The following SLC35A5 variants were observed in gnomAD, a reference collection of about 807,000 sequenced individuals.
SLC35A5 encodes the protein UDP-sugar transporter protein SLC35A5.
Under a neutral mutation model 36.3 loss-of-function variants are expected in SLC35A5, and 28 were observed. The observed-to-expected ratio is 0.77, with a 90% CI of 0.57 to 1.06. SLC35A5 has a LOEUF of 1.06. Ranked by LOEUF, SLC35A5 falls within the 50% of genes least tolerant of loss-of-function variation. SLC35A5 has a pLI of 0.00. For missense variants in SLC35A5, 521 were observed against 499.3 expected, an observed-to-expected ratio of 1.04 and a Z score of -0.41; for synonymous variants, 180 against 173.7, an observed-to-expected ratio of 1.04 and a Z score of -0.29.
chr3:112,563,549 G>A lies in SLC35A5; in HGVS notation c.130+16G>A, dbSNP rs756968966. The A allele has an allele frequency of 3.2e-6, 5 of 1,584,896 alleles. No homozygotes were observed. The South Asian group carries it at 3.4e-5, about 11-fold the overall frequency. ...GCCAATGAAGGTAAGTTAAGACTTG[G>A]TATATGCATGGAGCACTTCCATCTA... is the stretch of plus-strand genomic sequence containing the variant. On this transcript the variant is annotated intron_variant, in intron 2 of 6. Coordinates refer to ENST00000492406, the MANE Select transcript of SLC35A5 (RefSeq NM_017945.5).
rs1005149810 is a variant in SLC35A5, at chr3:112,584,399, T to A, written c.*1663T>A. The A allele has an allele frequency of 2.0e-5, 3 of 152,188 alleles. No individual in the cohort carries two copies. Among genetic ancestry groups the A allele is most frequent in the Admixed American group, 6.5e-5 (1 of 15,274 alleles). The allele number at this position is 152,188 out of a possible 1,614,324, so 9.4% of individuals were successfully genotyped here. A position where few individuals can be genotyped will look rare whatever the true frequency, so the allele number is the denominator to read the frequency against. On this transcript the variant is annotated 3_prime_UTR_variant, in exon 7 of 7. Transcript: ENST00000492406. ...CAGGACCTTTCTAGGAAATGTGGCA[T>A]ACAAAACATTTTTATCTCATAAAAC...
rs771349675 is a variant in SLC35A5 at position 112,580,824 on chromosome 3, T to C, written c.707T>C (p.Ile236Thr). 2.7e-5 allele frequency: 44 copies of C among 1,614,072 alleles called. No homozygotes were observed. Among genetic ancestry groups the C allele is most frequent in the Middle Eastern group, 1.6e-4 (1 of 6,084 alleles). ...HIRLGMGHVL[I>T]IVQCFISSMA... is the part of the protein sequence containing the mutation. ...CGTCTTGGCATGGGCCATGTTCTTATTATAGTCCAGTGTTTTATTTCTTCA... is the reference window on the plus strand; with the variant it reads ...CGTCTTGGCATGGGCCATGTTCTTACTATAGTCCAGTGTTTTATTTCTTCA... Residue 236 changes from isoleucine to threonine, a missense_variant, in exon 6 of 7, where the codon ATT (isoleucine) becomes ACT (threonine). Ile to Thr is a moderately conservative substitution (Grantham distance 89, BLOSUM62 -1). Transcript: ENST00000492406.
At chr3:112,564,624 C>T (rs1036026182) in intron 2 of SLC35A5, among the ~76,000 whole-genome samples, 1 of 152,180 alleles carries the variant, frequency 6.6e-6, no homozygotes, top group South Asian at 2.1e-4. Context: ...AGCACAGACC[C>T]TTTACAGGTG....
Position 112,579,248 on chromosome 3 carries a change from T to G in SLC35A5, c.429-1298T>G, listed in dbSNP as rs72942015. 8.7e-3 allele frequency among the ~76,000 whole-genome samples: 1,318 copies of G among 152,316 alleles called. 15 individuals carry two copies. Among genetic ancestry groups the G allele is most frequent in the African/African-American group, 0.03 (1,255 of 41,568 alleles). ...ATCCCTTCTTTAGTGTTTAAGTACA[T>G]GACCTTAGGGAAATCTGTTAGGTTA... On this transcript the variant is annotated intron_variant, in intron 5 of 6. Coordinates refer to ENST00000492406, the MANE Select transcript of SLC35A5 (RefSeq NM_017945.5).
chr3:112,580,433 CA>C (rs1445790269), intron 5 of SLC35A5, 112 bp from the exon 6 acceptor site: 1 of 1,220,676 alleles, frequency 8.2e-7, no homozygotes, highest in African/African-American at 1.5e-5. Context: ...GAAATGCTAG[CA>C]AAAACTGGGT....
chr3:112,562,716 G>A (rs948367518), intron 1 of SLC35A5, among the ~76,000 whole-genome samples: 1 of 152,198 alleles, frequency 6.6e-6, no homozygotes, highest in Non-Finnish European at 1.5e-5. Context: ...GGGAAAAGAG[G>A]AGGAAAATAC....
intron 2 of SLC35A5, among the ~76,000 whole-genome samples, chr3:112,567,406 C>T (rs959178112): frequency 1.3e-5 from 2 of 151,908 alleles, no homozygotes; most frequent in African/African-American, 4.8e-5. Context: ...CATTCTCTTG[C>T]CTCAGCCTCC....
chr3:112,580,704 GAAGT>G lies in SLC35A5; in HGVS notation c.588_591del (p.Glu198ValfsTer39). On this transcript the variant is annotated frameshift_variant, in exon 6 of 7. Coordinates refer to ENST00000492406, the MANE Select transcript of SLC35A5 (RefSeq NM_017945.5). LOFTEE classifies it high-confidence loss of function. The stretch of plus-strand genomic sequence containing the variant: ...CCTTCCAATTCCTGCCTTCTTTTCA[GAAGT>G]GAGTGTCCCAGAAAAGACAATTGTA... 1 of 1,614,102 alleles carries G rather than the reference GAAGT, an allele frequency of 6.2e-7. No homozygotes were observed.
At chr3:112,566,116 G>A (rs1454267912) in intron 2 of SLC35A5, among the ~76,000 whole-genome samples, 5 of 152,202 alleles carry the variant, frequency 3.3e-5, no homozygotes, top group Admixed American at 6.5e-5. Flanking sequence ...GAAAAGACAG[G>A]ATTTGGAGAA....
At position 112,581,103 on chromosome 3, in the gene SLC35A5, A is replaced by G. The variant is rs1934894789; in HGVS notation, c.986A>G (p.Asn329Ser). ...GCTTTCATTCTGAAGTTCCTGGATA[A>G]CATGTTCCATGTCTTGATGGCCCAG... ...SVAFILKFLDNMFHVLMAQVT... is the reference protein window; with the variant it reads ...SVAFILKFLDSMFHVLMAQVT... Residue 329 changes from asparagine to serine, a missense_variant, in exon 6 of 7, where the codon AAC becomes AGC. Asn to Ser is a conservative substitution (Grantham distance 46). Coordinates refer to ENST00000492406, the MANE Select transcript of SLC35A5 (RefSeq NM_017945.5). The G allele has an allele frequency of 1.2e-6, 2 of 1,613,966 alleles. No individual in the cohort carries two copies. Among genetic ancestry groups the G allele is most frequent in the Non-Finnish European group, 1.7e-6 (2 of 1,179,928 alleles).
intron 1 of SLC35A5, 132 bp downstream of exon 1, chr3:112,562,405 C>G (rs1181353984): frequency 1.3e-5 from 2 of 152,352 alleles, no homozygotes; most frequent in African/African-American, 4.8e-5. Flanking sequence ...CCCCTCCTGT[C>G]GGGGAGGCGT....
intron 2 of SLC35A5, among the ~76,000 whole-genome samples, chr3:112,566,676 A>G (rs1320732331): frequency 2.0e-5 from 3 of 152,226 alleles, no homozygotes; most frequent in Non-Finnish European, 4.4e-5. Context: ...AGATTAAAGG[A>G]TACCCTTTAG....
Position 112,572,986 on chromosome 3 carries a change from C to T in SLC35A5, c.361-903C>T, listed in dbSNP as rs149377898. On this transcript the variant is annotated intron_variant, in intron 4 of 6. Transcript: ENST00000492406. ...CTGAGAAAACCTTAAAATGGTGGTT[C>T]CCATAAGAATGTAATAGAAAAACAA... Among the ~76,000 whole-genome samples the T allele has an allele frequency of 1.0e-2, 1,517 of 152,158 alleles. 20 individuals carry two copies. The highest frequency in any genetic ancestry group is 0.012 in the Non-Finnish European group (794 of 68,008).
rs1054972715 is a variant in SLC35A5 at position 112,580,933 on chromosome 3, T to C, written c.816T>C (p.Tyr272=). The part of the protein sequence containing the change: ...ESIFIQNSKL[Y]FFGILFNGLT... Reference sequence around the variant, plus strand: ...TCTTCATACAGAACAGCAAACTCTATTTCTTTGGCATTCTGTTTAATGGGC... The same window carrying C: ...TCTTCATACAGAACAGCAAACTCTACTTCTTTGGCATTCTGTTTAATGGGC... The change falls in exon 6 of 7, where the codon TAT becomes TAC. Residue 272 remains tyrosine, a synonymous_variant. Transcript: ENST00000492406. The C allele has an allele frequency of 1.9e-6, 3 of 1,614,160 alleles. No homozygotes were observed. The highest frequency in any genetic ancestry group is 2.5e-6 in the Non-Finnish European group (3 of 1,179,994).
chr3:112,565,412 A>G (rs1189581612), intron 2 of SLC35A5, among the ~76,000 whole-genome samples: 1 of 152,200 alleles, frequency 6.6e-6, no homozygotes, highest in Non-Finnish European at 1.5e-5. Context: ...AACAGCCTGT[A>G]AAAGGGAACA....
chr3:112,581,172 A>G lies in SLC35A5; in HGVS notation c.1055A>G (p.Asp352Gly), dbSNP rs764331967. 6.2e-7 allele frequency: 1 copy of G among 1,613,772 alleles called. No homozygotes were observed. Among genetic ancestry groups the G allele is most frequent in the Non-Finnish European group, 8.5e-7 (1 of 1,179,916 alleles). ...IITTVSVLVF[D>G]FRPSLEFFLE... ...ACAACAGTGTCTGTCCTGGTCTTTG[A>G]CTTCAGGCCCTCCCTGGAATTTTTC... Residue 352 changes from aspartate to glycine, a missense_variant, in exon 6 of 7, where the codon GAC becomes GGC. Transcript: ENST00000492406.
At chr3:112,578,562 G>A (rs1209478293) in intron 5 of SLC35A5, among the ~76,000 whole-genome samples, 8 of 152,266 alleles carry the variant, frequency 5.3e-5, no homozygotes, top group Middle Eastern at 3.4e-3. Context: ...AGCAGACTCA[G>A]TTGTCATTTC....
rs1934036238 is a variant in SLC35A5 at position 112,563,451 on chromosome 3, A to G, written c.48A>G (p.Thr16=). The change falls in exon 2 of 7, where the codon ACA becomes ACG. Residue 16 remains threonine, a synonymous_variant. Coordinates refer to ENST00000492406, the MANE Select transcript of SLC35A5 (RefSeq NM_017945.5). ...ATCCTGTAATATGCTCCTTGTCAAC[A>G]ATGTATACATTCCTGCTAGGTGCCA... ...CSHPVICSLS[T]MYTFLLGAIF... 1 of 1,600,596 alleles carries G rather than the reference A, an allele frequency of 6.2e-7. No individual in the cohort carries two copies. Among genetic ancestry groups the G allele is most frequent in the Non-Finnish European group, 8.5e-7 (1 of 1,169,618 alleles).
At chr3:112,562,682 G>A (rs945370325) in intron 1 of SLC35A5, among the ~76,000 whole-genome samples, 4 of 152,230 alleles carry the variant, frequency 2.6e-5, no homozygotes, top group African/African-American at 9.6e-5. Flanking sequence ...AATGAAGTCT[G>A]TCCTAATAAG....
Sources: allele counts gnomAD v4.1 joint callset (sites outside exome capture counted in the v4.1 genomes callset), GRCh38; gene constraint gnomAD v4.1.1; transcripts MANE v1.5; gene names NCBI Gene and HGNC (gene_info 2026-07-23, HGNC 2026-07-21).